SENP7: variants seen among roughly 807,000 people sequenced by gnomAD.
The protein encoded by SENP7 is sentrin-specific protease 7.
SENP7 carries 64 observed loss-of-function variants against 141.2 expected under a neutral mutation model. That is an observed-to-expected ratio of 0.45 (90% CI 0.37 to 0.56). The LOEUF (loss-of-function observed/expected upper bound fraction) is 0.56. Among genes scored for constraint, SENP7 ranks in the 20% least tolerant of loss-of-function variants. The pLI is 0.00. For missense variants in SENP7, 1,025 were observed against 1,212.2 expected (o/e 0.85, Z 2.29); for synonymous variants, 382 against 426.4 (o/e 0.90, Z 1.28).
At chr3:101,506,913 T>C (rs1298048646) in intron 1 of SENP7, among the ~76,000 whole-genome samples, 2 of 151,982 alleles carry the variant, frequency 1.3e-5, no homozygotes, top group African/African-American at 4.8e-5. Context: ...TTTTAAAAAA[T>C]AGCCAGGCAT....
intron 2 of SENP7, among the ~76,000 whole-genome samples, chr3:101,496,760 T>C (rs1263250148): frequency 6.7e-6 from 1 of 150,168 alleles, no homozygotes; most frequent in East Asian, 1.9e-4. Flanking sequence ...GTATTTTCAG[T>C]AGAGATGGGC....
rs757656463 is a variant in SENP7, at chr3:101,341,741, G to A, written c.2145C>T (p.Phe715=). Residue 715 remains phenylalanine, a synonymous_variant, in exon 15 of 24, where the codon TTC becomes TTT. Coordinates refer to ENST00000394095, the MANE Select transcript of SENP7 (RefSeq NM_020654.5). Reference sequence around the variant, plus strand: ...AGCAACCGCTACTTTGCTTCTGCAGGAAGGTGTAAGTAGGCTTGGCCGCAT... The same window carrying A: ...AGCAACCGCTACTTTGCTTCTGCAGAAAGGTGTAAGTAGGCTTGGCCGCAT... The part of the protein sequence containing the change: ...NTDAAKPTYT[F]LQKQSSGCYS... 53 of 1,611,338 alleles carry A rather than the reference G, an allele frequency of 3.3e-5. No individual in the cohort carries two copies. Among genetic ancestry groups the A allele is most frequent in the Non-Finnish European group, 4.2e-5 (50 of 1,177,958 alleles).
chr3:101,501,987 G>A (rs2065401006), intron 1 of SENP7, among the ~76,000 whole-genome samples: 1 of 152,168 alleles, frequency 6.6e-6, no homozygotes, highest in Non-Finnish European at 1.5e-5. Context: ...AATTTGAAAT[G>A]AATCATAGAT....
chr3:101,405,397 A>C (rs1255121171), intron 5 of SENP7, among the ~76,000 whole-genome samples: 1 of 152,168 alleles, frequency 6.6e-6, no homozygotes, highest in African/African-American at 2.4e-5. Context: ...TACTATAATA[A>C]GGGAACACCC....
chr3:101,398,408 C>T (rs1453590610), intron 6 of SENP7, among the ~76,000 whole-genome samples: 2 of 152,028 alleles, frequency 1.3e-5, no homozygotes, highest in African/African-American at 4.8e-5. Context: ...TGCAGTGAGC[C>T]GAGATCATGC....
chr3:101,511,133 C>G (rs533597586), intron 1 of SENP7, among the ~76,000 whole-genome samples: 34 of 152,142 alleles, frequency 2.2e-4, no homozygotes, highest in African/African-American at 8.0e-4. Flanking sequence ...AAGGACAGCT[C>G]CAAAAGAGAG....
chr3:101,438,132 T>A (rs2062461543), intron 4 of SENP7, among the ~76,000 whole-genome samples: 1 of 152,164 alleles, frequency 6.6e-6, no homozygotes, highest in Non-Finnish European at 1.5e-5. Flanking sequence ...AACAGTGAGC[T>A]GAGGTATTTG....
At position 101,340,190 on chromosome 3, in the gene SENP7, T is replaced by G; in HGVS notation, c.2262A>C (p.Pro754=). ...TTACTCCTAATCCCCCCTTAGTAGG[T>G]GGTGGAGGATATACAATCAACCTTA... ...LVQKLIVYPP[P]PTKGGLGVTN... Residue 754 remains proline (P), a synonymous_variant, in exon 16 of 24, where the codon CCA becomes CCC. Coordinates refer to ENST00000394095, the MANE Select transcript of SENP7 (RefSeq NM_020654.5). 7.5e-6 allele frequency: 12 copies of G among 1,596,730 alleles called. No individual in the cohort carries two copies. The highest frequency in any genetic ancestry group is 1.0e-5 in the Non-Finnish European group (12 of 1,174,266).
At chr3:101,433,864 A>G (rs964202566) in intron 4 of SENP7, among the ~76,000 whole-genome samples, 2 of 152,098 alleles carry the variant, frequency 1.3e-5, no homozygotes, top group African/African-American at 2.4e-5. Context: ...CAGATCTTCC[A>G]GACAGAAAAT....
chr3:101,372,180 G>A, intron 6 of SENP7, 54 bp from the exon 7 acceptor site: 1 of 877,362 alleles, frequency 1.1e-6, no homozygotes, highest in Non-Finnish European at 1.7e-6. Context: ...AATGAATTTA[G>A]AAGCCAACTA....
chr3:101,378,461 T>A (rs1341364401), intron 6 of SENP7, among the ~76,000 whole-genome samples: 1 of 151,832 alleles, frequency 6.6e-6, no homozygotes, highest in Non-Finnish European at 1.5e-5. Context: ...AAGGAAAGAA[T>A]CTCTGAACTT....
intron 17 of SENP7, chr3:101,333,157 A>G (rs762055641): frequency 2.5e-5 from 8 of 323,278 alleles, no homozygotes; most frequent in African/African-American, 4.3e-5. Flanking sequence ...AAATCTACTT[A>G]TTTTGCTTAG....
intron 6 of SENP7, among the ~76,000 whole-genome samples, chr3:101,374,643 T>C (rs974466472): frequency 3.3e-5 from 5 of 151,540 alleles, no homozygotes; most frequent in Non-Finnish European, 5.9e-5. Flanking sequence ...CTGGGCATGA[T>C]GGTATGCCCC....
chr3:101,453,564 T>C (rs1413344900), intron 4 of SENP7, among the ~76,000 whole-genome samples: 1 of 152,088 alleles, frequency 6.6e-6, no homozygotes, highest in Non-Finnish European at 1.5e-5. Flanking sequence ...ATGTCCTTTG[T>C]AGGGACATGG....
Position 101,367,894 on chromosome 3 carries a change from C to T in SENP7, c.914G>A (p.Arg305Lys). ...LTLISRKTKRRLRNNLPDSQY... is the reference protein window; with the variant it reads ...LTLISRKTKRKLRNNLPDSQY... ...AGAATCAGGTAAATTATTTCTAAGC[C>T]TTCTCTTTGTCTTCCTGGAAATCAG... The change falls in exon 8 of 24, where the codon AGG (arginine) becomes AAG (lysine). Residue 305 changes from arginine (R) to lysine (K), a missense_variant. Arg to Lys is a conservative substitution (Grantham distance 26). This residue lies in a region of SENP7 where 496 missense variants were observed against 503.5 expected (regional missense o/e 0.99). Coordinates refer to ENST00000394095, the MANE Select transcript of SENP7 (RefSeq NM_020654.5). 1 of 1,611,342 alleles carries T rather than the reference C, an allele frequency of 6.2e-7. No individual in the cohort carries two copies.
At chr3:101,327,426 TCTC>T (rs2058932356) in intron 23 of SENP7, among the ~76,000 whole-genome samples, 1 of 152,058 alleles carries the variant, frequency 6.6e-6, no homozygotes. Flanking sequence ...CTCTCATTCT[TCTC>T]CTTGCTGCTA....
At chr3:101,465,207 C>G (rs2063720811) in intron 3 of SENP7, among the ~76,000 whole-genome samples, 1 of 152,118 alleles carries the variant, frequency 6.6e-6, no homozygotes, top group African/African-American at 2.4e-5. Context: ...ACATCATCCT[C>G]CAGAGGCCTA....
intron 2 of SENP7, among the ~76,000 whole-genome samples, chr3:101,497,753 T>C (rs77807403): frequency 0.024 from 3,619 of 152,190 alleles, 146 homozygotes; most frequent in African/African-American, 0.082. Context: ...TCTAAATAAA[T>C]AAATAAGTAA....
chr3:101,335,566 C>T (rs545320098), intron 17 of SENP7, among the ~76,000 whole-genome samples: 10 of 152,166 alleles, frequency 6.6e-5, no homozygotes, highest in African/African-American at 9.6e-5. Flanking sequence ...ATGCCACTCA[C>T]GTAACTTTAT....
Sources: gnomAD v4.1 joint callset for allele counts (sites outside exome capture counted in the v4.1 genomes callset) on GRCh38, gnomAD v4.1.1 for gene constraint, gnomAD v4.1.1 regional missense constraint, MANE v1.5 for transcripts, NCBI Gene and HGNC (gene_info 2026-07-23, HGNC 2026-07-21) for gene names.